Variants in SGCG observed in about 807,000 individuals in gnomAD.
SGCG encodes the protein gamma-sarcoglycan.
SGCG carries 26 observed loss-of-function variants against 29.3 expected under a neutral mutation model. The observed-to-expected ratio is 0.89, with a 90% CI of 0.65 to 1.23. The LOEUF is 1.23. Ranked by LOEUF, SGCG falls within the 50% of genes most tolerant of loss-of-function variation. SGCG has a pLI of 0.00. For synonymous variants in SGCG, 145 were observed against 129.7 expected, an observed-to-expected ratio of 1.12 and a Z score of -0.80; for missense variants, 353 against 356.0, an observed-to-expected ratio of 0.99 and a Z score of 0.07.
intron 3 of SGCG, among the ~76,000 whole-genome samples, chr13:23,238,301 G>A (rs1018080763): frequency 3.3e-5 from 5 of 152,174 alleles, no homozygotes; most frequent in East Asian, 1.9e-4. Flanking sequence ...CTTGCTGCAC[G>A]TGGACAGCGC....
At chr13:23,255,548 C>T (rs925300056) in intron 4 of SGCG, among the ~76,000 whole-genome samples, 2 of 152,062 alleles carry the variant, frequency 1.3e-5, no homozygotes, top group African/African-American at 2.4e-5. Flanking sequence ...GAATATTTGT[C>T]CCCTACAAGT....
intron 2 of SGCG, among the ~76,000 whole-genome samples, chr13:23,208,410 A>G (rs1878062826): frequency 6.6e-6 from 1 of 152,164 alleles, no homozygotes; most frequent in Admixed American, 6.5e-5. Context: ...ATGCCCAGAT[A>G]ACATTAGACG....
At chr13:23,202,525 G>A (rs1010804989) in intron 1 of SGCG, among the ~76,000 whole-genome samples, 1 of 152,156 alleles carries the variant, frequency 6.6e-6, no homozygotes, top group African/African-American at 2.4e-5. Context: ...TCGAGCCACT[G>A]GCTCTAATAT....
intron 6 of SGCG, among the ~76,000 whole-genome samples, chr13:23,308,045 TG>T (rs1468922803): frequency 6.6e-6 from 1 of 152,230 alleles, no homozygotes; most frequent in East Asian, 1.9e-4. Flanking sequence ...AGAAGTGGAT[TG>T]CTGAAGATCG....
At chr13:23,164,128 A>G in the SGCG span, among the ~76,000 whole-genome samples, 6 of 152,098 alleles carry the variant, frequency 3.9e-5, no homozygotes, top group South Asian at 2.1e-4. Context: ...AAGATTGTTG[A>G]CTCAGTTTGT....
At chr13:23,173,902 A>G in the SGCG span, among the ~76,000 whole-genome samples, 2 of 152,224 alleles carry the variant, frequency 1.3e-5, no homozygotes, top group Non-Finnish European at 2.9e-5. Flanking sequence ...AGTGTAAACT[A>G]GAAATGAAAA....
intron 6 of SGCG, among the ~76,000 whole-genome samples, chr13:23,317,190 G>GT (rs953167022): frequency 2.8e-5 from 4 of 141,516 alleles, no homozygotes; most frequent in African/African-American, 9.8e-5. Flanking sequence ...GTGAGACTCC[G>GT]TCTCAAAAAA....
chr13:23,252,247 G>A (rs976231306), intron 4 of SGCG, among the ~76,000 whole-genome samples: 4 of 152,070 alleles, frequency 2.6e-5, no homozygotes, highest in Non-Finnish European at 5.9e-5. Flanking sequence ...AGTGTTTGAG[G>A]AATTTTTGCC....
chr13:23,288,593 A>G (rs1218481589), intron 5 of SGCG, among the ~76,000 whole-genome samples: 1 of 152,242 alleles, frequency 6.6e-6, no homozygotes, highest in Non-Finnish European at 1.5e-5. Context: ...TCAGCAGTTC[A>G]GTCTGAAACC....
intron 5 of SGCG, among the ~76,000 whole-genome samples, chr13:23,294,349 C>T (rs1236254085): frequency 2.6e-5 from 4 of 152,268 alleles, no homozygotes; most frequent in East Asian, 1.9e-4. Context: ...GTGAAAGATA[C>T]GTTTGTATTC....
chr13:23,293,631 G>T (rs1881798231), intron 5 of SGCG, among the ~76,000 whole-genome samples: 1 of 152,278 alleles, frequency 6.6e-6, no homozygotes, highest in South Asian at 2.1e-4. Flanking sequence ...AGGTGTTTGA[G>T]ACCAGACTGG....
intron 6 of SGCG, among the ~76,000 whole-genome samples, chr13:23,303,707 G>C (rs556967620): frequency 6.6e-6 from 1 of 152,208 alleles, no homozygotes; most frequent in South Asian, 2.1e-4. Context: ...CAATGTGCTT[G>C]TGCAGGTAAA....
At chr13:23,302,591 G>C (rs1275689628) in intron 6 of SGCG, among the ~76,000 whole-genome samples, 1 of 151,892 alleles carries the variant, frequency 6.6e-6, no homozygotes, top group African/African-American at 2.4e-5. Context: ...ATTACATATT[G>C]TGTATATGTA....
At chr13:23,289,864 T>C (rs1009668626) in intron 5 of SGCG, among the ~76,000 whole-genome samples, 1 of 152,184 alleles carries the variant, frequency 6.6e-6, no homozygotes, top group Non-Finnish European at 1.5e-5. Flanking sequence ...CCTTGATTCA[T>C]TATACATCTT....
chr13:23,229,032 A>G (rs1418361044), intron 2 of SGCG, among the ~76,000 whole-genome samples: 1 of 151,812 alleles, frequency 6.6e-6, no homozygotes, highest in Non-Finnish European at 1.5e-5. Context: ...ACCACACCCA[A>G]CTAATTTTTG....
intron 2 of SGCG, among the ~76,000 whole-genome samples, chr13:23,225,807 A>ACACACACACACC (rs1491150183): frequency 1.4e-5 from 2 of 144,910 alleles, no homozygotes; most frequent in South Asian, 2.3e-4. Flanking sequence ...ACACACACAC[A>ACACACACACACC]CCCCTACATA....
intron 3 of SGCG, among the ~76,000 whole-genome samples, chr13:23,235,216 A>G (rs1198780895): frequency 6.6e-6 from 1 of 151,984 alleles, no homozygotes; most frequent in Non-Finnish European, 1.5e-5. Context: ...AAAATTAGCC[A>G]GGCATGGTGG....
intron 4 of SGCG, among the ~76,000 whole-genome samples, chr13:23,274,699 G>A (rs1881005124): frequency 2.0e-5 from 3 of 152,218 alleles, no homozygotes; most frequent in South Asian, 4.2e-4. Context: ...TGGGATTATG[G>A]GCGTGAGCCA....
intron 4 of SGCG, 81 bp from the exon 5 acceptor site, chr13:23,279,278 G>C: frequency 1.5e-6 from 2 of 1,317,332 alleles, no homozygotes; most frequent in Non-Finnish European, 2.2e-6. Flanking sequence ...GTATTGTAGG[G>C]TTGACGTGGC....
Sources: allele counts gnomAD v4.1 joint callset (sites outside exome capture counted in the v4.1 genomes callset), GRCh38; gene constraint gnomAD v4.1.1; transcripts MANE v1.5; gene names NCBI Gene and HGNC (gene_info 2026-07-23, HGNC 2026-07-21).